Variants in BCKDHB observed in about 807,000 individuals in gnomAD.
The protein encoded by BCKDHB is branched chain keto acid dehydrogenase E1 subunit beta, also known as 2-oxoisovalerate dehydrogenase subunit beta, mitochondrial.
BCKDHB carries 41 observed loss-of-function variants against 48.5 expected under a neutral mutation model. That is an observed-to-expected ratio of 0.85 (90% confidence interval 0.66 to 1.10). The LOEUF (loss-of-function observed/expected upper bound fraction) is 1.10. Among genes scored for constraint, BCKDHB ranks in the 50% least tolerant of loss-of-function variants. The pLI, the probability that BCKDHB is intolerant of heterozygous loss-of-function variation, is 0.00. For synonymous variants in BCKDHB, 201 were observed against 174.8 expected (o/e 1.15, Z -1.18); for missense variants, 496 against 494.2 (o/e 1.00, Z -0.03).
chr6:80,265,018 C>T (rs543363548), intron 8 of BCKDHB, among the ~76,000 whole-genome samples: 15 of 152,174 alleles, frequency 9.9e-5, no homozygotes, highest in East Asian at 3.9e-4. Flanking sequence ...GATACCACCT[C>T]GTTCCCATTG....
chr6:80,235,273 A>C (rs543969382), intron 8 of BCKDHB, among the ~76,000 whole-genome samples: 2 of 152,330 alleles, frequency 1.3e-5, no homozygotes, highest in African/African-American at 4.8e-5. Flanking sequence ...GTGCCCCATA[A>C]ATATGTACAA....
intron 6 of BCKDHB, among the ~76,000 whole-genome samples, chr6:80,181,423 A>G (rs1773407650): frequency 6.6e-6 from 1 of 152,064 alleles, no homozygotes; most frequent in Admixed American, 6.6e-5. Flanking sequence ...TTAACAGGCC[A>G]CTCCTGAAAC....
At position 80,144,852 on chromosome 6, in the gene BCKDHB, C is replaced by T. The variant is rs145141237; in HGVS notation, c.343+15623C>T. Among the ~76,000 whole-genome samples the T allele has an allele frequency of 1.7e-3, 265 of 152,264 alleles. 1 individual carries two copies. Among genetic ancestry groups the T allele is most frequent in the African/African-American group, 6.0e-3 (251 of 41,554 alleles). ...CACAGTATTCATTTTACTAAGGGAGCAACAGCCAAGTTACTGCACAGTCTT... is the reference window on the plus strand; with the variant it reads ...CACAGTATTCATTTTACTAAGGGAGTAACAGCCAAGTTACTGCACAGTCTT... On this transcript the variant is annotated intron_variant, in intron 3 of 9. Coordinates refer to ENST00000320393, the MANE Select transcript of BCKDHB (RefSeq NM_183050.4).
intron 8 of BCKDHB, among the ~76,000 whole-genome samples, chr6:80,247,108 T>C (rs1206995824): frequency 6.6e-6 from 1 of 152,202 alleles, no homozygotes; most frequent in Non-Finnish European, 1.5e-5. Context: ...CAAAGTCCTT[T>C]TGGACCATCA....
In BCKDHB at chr6:80,203,193, A is replaced by G. The variant is rs1452496837; in HGVS notation, c.932A>G (p.Asp311Gly). Reference protein sequence around the residue: ...VIDLRTIIPWDVDTICKSVIK... With the variant: ...VIDLRTIIPWGVDTICKSVIK... ...GATCTGAGGACTATAATACCTTGGG[A>G]TGTGGACACAATTTGTAAGGTATGA... is the stretch of plus-strand genomic sequence containing the variant. The change falls in exon 8 of 10, where the codon GAT (aspartate) becomes GGT (glycine). Residue 311 changes from aspartate to glycine, a missense_variant. Physicochemically the swap from Asp to Gly is moderately conservative, Grantham distance 94. Transcript: ENST00000320393. The G allele has an allele frequency of 1.9e-6, 3 of 1,605,798 alleles. No homozygotes were observed. The African/African-American group carries it at 4.0e-5, about 22-fold the overall frequency.
Position 80,320,399 on chromosome 6 carries a change from T to C in BCKDHB, c.1039-23265T>C, listed in dbSNP as rs962754594. On this transcript the variant is annotated intron_variant, in intron 9 of 9. Transcript: ENST00000320393. ...AGAATTTGTATCATCTAAACAGCCT[T>C]TTATGTCCTTTCTCTTTTTTCATAC... 2.6e-5 allele frequency among the ~76,000 whole-genome samples: 4 copies of C among 152,186 alleles called. No homozygotes were observed. In the South Asian group the frequency reaches 8.3e-4, roughly 32 times the overall value.
chr6:80,397,910 C>G, the BCKDHB span, among the ~76,000 whole-genome samples: 2 of 151,998 alleles, frequency 1.3e-5, no homozygotes, highest in African/African-American at 2.4e-5. Context: ...AAACAACAAA[C>G]AAACAAAATA....
At chr6:80,370,827 T>C in the BCKDHB span, among the ~76,000 whole-genome samples, 3 of 151,730 alleles carry the variant, frequency 2.0e-5, no homozygotes, top group Non-Finnish European at 2.9e-5. Context: ...TATGTGTGTG[T>C]GTGTGTGTGT....
intron 8 of BCKDHB, among the ~76,000 whole-genome samples, chr6:80,242,487 G>A (rs1191870270): frequency 6.6e-6 from 1 of 152,020 alleles, no homozygotes; most frequent in African/African-American, 2.4e-5. Context: ...GGGAGGAGAG[G>A]TGATATTTTT....
chr6:80,273,085 A>G, intron 8 of BCKDHB, 50 bp from the exon 9 acceptor site: 1 of 1,351,580 alleles, frequency 7.4e-7, no homozygotes, highest in Non-Finnish European at 1.1e-6. Flanking sequence ...ACCATCATAT[A>G]TATAAAATAG....
chr6:80,357,903 T>C, the BCKDHB span, among the ~76,000 whole-genome samples: 11 of 152,318 alleles, frequency 7.2e-5, no homozygotes, highest in Non-Finnish European at 1.3e-4. Context: ...GCTTTTTTCT[T>C]CTTGCACTTT....
chr6:80,304,181 ATTT>A (rs1312833962), intron 9 of BCKDHB, among the ~76,000 whole-genome samples: 1 of 152,086 alleles, frequency 6.6e-6, no homozygotes, highest in Non-Finnish European at 1.5e-5. Flanking sequence ...ATACTGTGGT[ATTT>A]TTGTACATTC....
chr6:80,173,028 G>T (rs1772990086), intron 6 of BCKDHB, among the ~76,000 whole-genome samples: 1 of 152,072 alleles, frequency 6.6e-6, no homozygotes, highest in Non-Finnish European at 1.5e-5. Context: ...TAGTTATAAT[G>T]CCAGCCAGCT....
chr6:80,297,469 T>C (rs1767314455), intron 9 of BCKDHB, among the ~76,000 whole-genome samples: 1 of 152,186 alleles, frequency 6.6e-6, no homozygotes, highest in Non-Finnish European at 1.5e-5. Context: ...ACACACCATG[T>C]ACAAATACAT....
chr6:80,400,210 CAAA>C, the BCKDHB span, among the ~76,000 whole-genome samples: 1 of 152,034 alleles, frequency 6.6e-6, no homozygotes, highest in South Asian at 2.1e-4. Flanking sequence ...GCAATTGCGA[CAAA>C]ACCCAAAATT....
intron 3 of BCKDHB, among the ~76,000 whole-genome samples, chr6:80,142,499 T>TA (rs1020781473): frequency 2.0e-5 from 3 of 152,068 alleles, no homozygotes; most frequent in African/African-American, 4.8e-5. Context: ...GATCTAATAA[T>TA]ACCTTTTAGA....
At chr6:80,307,294 T>C (rs146586675) in intron 9 of BCKDHB, among the ~76,000 whole-genome samples, 2 of 152,338 alleles carry the variant, frequency 1.3e-5, no homozygotes, top group East Asian at 3.9e-4. Context: ...AGCTAACATA[T>C]AGGGTTCCAT....
chr6:80,207,822 T>C (rs1432688897), intron 8 of BCKDHB, among the ~76,000 whole-genome samples: 1 of 151,782 alleles, frequency 6.6e-6, no homozygotes, highest in Non-Finnish European at 1.5e-5. Context: ...GTCTATTTCA[T>C]CCTTAATAAC....
chr6:80,285,501 G>T (rs1269827813), intron 9 of BCKDHB, among the ~76,000 whole-genome samples: 2 of 128,628 alleles, frequency 1.6e-5, no homozygotes, highest in Non-Finnish European at 3.3e-5. Flanking sequence ...AAATCCTTCT[G>T]GTAGTAAGCA....
Sources: allele counts gnomAD v4.1 joint callset (sites outside exome capture counted in the v4.1 genomes callset), GRCh38; gene constraint gnomAD v4.1.1; transcripts MANE v1.5; gene names NCBI Gene and HGNC (gene_info 2026-07-23, HGNC 2026-07-21).